The following ELAVL1 variants were observed in gnomAD, a reference collection of about 807,000 sequenced individuals.
The protein encoded by ELAVL1 is ELAV-like protein 1.
Under a neutral mutation model 28.4 loss-of-function variants are expected in ELAVL1, and 1 was observed. The observed-to-expected ratio is 0.04, with a 90% CI of 0.01 to 0.17. ELAVL1 has a LOEUF of 0.17. Ranked by LOEUF, ELAVL1 falls within the 10% of genes least tolerant of loss-of-function variation. The pLI is 1.00. For synonymous variants in ELAVL1, 174 were observed against 183.5 expected (o/e 0.95, Z 0.42); for missense variants, 157 against 447.2 (o/e 0.35, Z 5.85).
intron 3 of ELAVL1, among the ~76,000 whole-genome samples, chr19:7,980,175 A>G (rs925255848): frequency 2.6e-5 from 4 of 152,094 alleles, no homozygotes; most frequent in Non-Finnish European, 5.9e-5. Context: ...GGAAGCCCTT[A>G]CGTCTGTGGG....
rs1984866878 is a variant in ELAVL1 at position 7,963,458 on chromosome 19, C to G, written c.*25G>C. ...ACTCCTTCACTCTTAATTATCTATT[C>G]CGTACAAAAAAAAGCATGAGCGAGT... On this transcript the variant is annotated 3_prime_UTR_variant, in exon 6 of 6. Transcript: ENST00000407627. The surrounding 1 kb of genome is among the most constrained non-coding windows in gnomAD (Gnocchi z 4.5). 3 of 1,591,320 alleles carry G rather than the reference C, an allele frequency of 1.9e-6. No homozygotes were observed. The highest frequency in any genetic ancestry group is 1.7e-5 in the Admixed American group (1 of 57,860).
intron 1 of ELAVL1, among the ~76,000 whole-genome samples, chr19:7,997,381 G>T (rs1430439836): frequency 6.6e-6 from 1 of 152,188 alleles, no homozygotes; most frequent in Non-Finnish European, 1.5e-5. Context: ...ACCAATTCAT[G>T]CTACTTGTGT....
chr19:7,987,372 T>C (rs1256717036), intron 2 of ELAVL1, among the ~76,000 whole-genome samples: 1 of 152,068 alleles, frequency 6.6e-6, no homozygotes, highest in Non-Finnish European at 1.5e-5. Flanking sequence ...GGGGCCACTG[T>C]GGAGAGACCA....
Position 7,963,920 on chromosome 19 carries a change from GC to G in ELAVL1, c.657-114del. 8.4e-7 allele frequency: 1 copy of G among 1,194,236 alleles called. No individual in the cohort carries two copies. The highest frequency in any genetic ancestry group is 1.2e-6 in the Non-Finnish European group (1 of 869,322). The allele number at this position is 1,194,236 out of a possible 1,614,324, so 74.0% of individuals were successfully genotyped here. A position where few individuals can be genotyped will look rare whatever the true frequency, so the allele number is the denominator to read the frequency against. On this transcript the variant is annotated intron_variant, in intron 5 of 5. Coordinates refer to ENST00000407627, the MANE Select transcript of ELAVL1 (RefSeq NM_001419.3). This position sits in a 1 kb window ranked among gnomAD's most constrained non-coding sequence, Gnocchi z 4.5. Reference sequence around the variant, plus strand: ...GCTGGGCCCCATCCCGCTCTGCGCAGCCACGAGGTGCTCACGGTTGAGACAC... The same window carrying G: ...GCTGGGCCCCATCCCGCTCTGCGCAGCACGAGGTGCTCACGGTTGAGACAC...
At chr19:7,976,849 TTTTTTTTTTAG>T (rs1311209992) in intron 3 of ELAVL1, among the ~76,000 whole-genome samples, 1 of 151,214 alleles carries the variant, frequency 6.6e-6, no homozygotes, top group African/African-American at 2.5e-5. Context: ...CATTTTTTTT[TTTTTTTTTTAG>T]TTTTTTTTGT....
At chr19:7,968,932 T>A (rs761419800) in intron 4 of ELAVL1, among the ~76,000 whole-genome samples, 1 of 151,976 alleles carries the variant, frequency 6.6e-6, no homozygotes, top group African/African-American at 2.4e-5. Flanking sequence ...AAGGACATGA[T>A]GGAGTCAGGG....
chr19:7,998,400 G>A (rs1199818000), intron 1 of ELAVL1, among the ~76,000 whole-genome samples: 2 of 152,210 alleles, frequency 1.3e-5, no homozygotes, highest in South Asian at 2.1e-4. Flanking sequence ...GCGGTCACAC[G>A]ATGATGCTCA....
intron 1 of ELAVL1, chr19:8,002,119 C>A: frequency 1.6e-6 from 2 of 1,289,434 alleles, no homozygotes; most frequent in Non-Finnish European, 2.0e-6. Context: ...CTACCCATCT[C>A]AGCCTTCTTG....
chr19:7,980,660 C>T (rs1280802921), intron 3 of ELAVL1, among the ~76,000 whole-genome samples: 1 of 152,172 alleles, frequency 6.6e-6, no homozygotes, highest in African/African-American at 2.4e-5. Flanking sequence ...ACTGTCTGCA[C>T]CCCCGACCCA....
Position 7,981,183 on chromosome 19 carries a change from T to G in ELAVL1, c.176A>C (p.His59Pro). ...GTTCACAAAGCCATAGCCCAAGCTG[T>G]GTCCTGTGCAAGAGAACATGAAGAC... Reference protein sequence around the residue: ...AKLIRDKVAGHSLGYGFVNYV... With the variant: ...AKLIRDKVAGPSLGYGFVNYV... Residue 59 changes from histidine to proline, a missense_variant, in exon 3 of 6, where the codon CAC (histidine) becomes CCC (proline). By Grantham distance (77) the His-to-Pro change is moderately conservative. Around this residue, in one of 4 missense-constraint regions of ELAVL1, gnomAD observed 28 missense variants for 89.7 expected, o/e 0.31. Transcript: ENST00000407627. The surrounding 1 kb of genome is among the most constrained non-coding windows in gnomAD (Gnocchi z 4.2). 1 of 1,614,174 alleles carries G rather than the reference T, an allele frequency of 6.2e-7. No homozygotes were observed. Among genetic ancestry groups the G allele is most frequent in the Non-Finnish European group, 8.5e-7 (1 of 1,179,994 alleles).
chr19:7,997,797 A>T (rs906259361), intron 1 of ELAVL1, among the ~76,000 whole-genome samples: 2 of 151,828 alleles, frequency 1.3e-5, no homozygotes, highest in African/African-American at 2.4e-5. Flanking sequence ...AAAATTAAAA[A>T]TTACCCAGGA....
In ELAVL1 at chr19:7,981,168, C is replaced by G; in HGVS notation, c.191G>C (p.Gly64Ala). The change falls in exon 3 of 6, where the codon GGC becomes GCC. Residue 64 changes from glycine to alanine, a missense_variant. By Grantham distance (60) the Gly-to-Ala change is moderately conservative (BLOSUM62 0). Around this residue, in one of 4 missense-constraint regions of ELAVL1, gnomAD observed 28 missense variants for 89.7 expected, o/e 0.31. Transcript: ENST00000407627. This position sits in a 1 kb window ranked among gnomAD's most constrained non-coding sequence, Gnocchi z 4.2. ...DKVAGHSLGY[G>A]FVNYVTAKDA... ...CTTCGCGGTCACGTAGTTCACAAAGCCATAGCCCAAGCTGTGTCCTGTGCA... is the reference window on the plus strand; with the variant it reads ...CTTCGCGGTCACGTAGTTCACAAAGGCATAGCCCAAGCTGTGTCCTGTGCA... The G allele has an allele frequency of 3.1e-6, 5 of 1,614,178 alleles. No homozygotes were observed. The highest frequency in any genetic ancestry group is 4.2e-6 in the Non-Finnish European group (5 of 1,180,016).
At chr19:7,985,878 TGA>T (rs1362683726) in intron 2 of ELAVL1, among the ~76,000 whole-genome samples, 1 of 152,202 alleles carries the variant, frequency 6.6e-6, no homozygotes, top group African/African-American at 2.4e-5. Flanking sequence ...AGGCAGGGTC[TGA>T]GAGTCACATT....
At chr19:7,980,035 A>AC (rs373222499) in intron 3 of ELAVL1, among the ~76,000 whole-genome samples, 67 of 152,214 alleles carry the variant, frequency 4.4e-4, no homozygotes, top group African/African-American at 1.5e-3. Context: ...TCCAAGAGGG[A>AC]CCCTTCAGGG....
At chr19:7,964,200 C>T (rs536436698) in intron 5 of ELAVL1, among the ~76,000 whole-genome samples, 4 of 152,310 alleles carry the variant, frequency 2.6e-5, no homozygotes, top group Non-Finnish European at 4.4e-5. Context: ...AAACTCTCCT[C>T]GTACTGTGGG....
intron 1 of ELAVL1, among the ~76,000 whole-genome samples, chr19:8,002,383 T>C (rs901960852): frequency 1.3e-4 from 19 of 151,962 alleles, no homozygotes; most frequent in African/African-American, 4.6e-4. Context: ...TGGGCTGAGA[T>C]GACCTACACA....
Position 8,002,334 on chromosome 19 carries a change from A to G in ELAVL1, c.-17+3161T>C, listed in dbSNP as rs1026204271. ...ACCCAGGTCCCTTTTCTGGGCTTCC[A>G]CATCAGCCAGGGCATAATTCTCACA... On this transcript the variant is annotated intron_variant, in intron 1 of 5. Transcript: ENST00000407627. 5 of 365,392 alleles carry G rather than the reference A, an allele frequency of 1.4e-5. No homozygotes were observed. In the Admixed American group the frequency reaches 1.8e-4, roughly 13 times the overall value. 22.6% of individuals were successfully genotyped at this position (365,392 alleles called of 1,614,324 possible).
intron 1 of ELAVL1, among the ~76,000 whole-genome samples, chr19:8,004,535 G>A (rs765571377): frequency 2.6e-5 from 4 of 152,058 alleles, no homozygotes; most frequent in Non-Finnish European, 5.9e-5. Context: ...CCAGGAATAC[G>A]GCTCAACTTC....
chr19:7,969,885 GA>G (rs1245806093), intron 4 of ELAVL1, among the ~76,000 whole-genome samples: 2 of 151,986 alleles, frequency 1.3e-5, no homozygotes, highest in South Asian at 2.1e-4. Flanking sequence ...AGCAGAGGGG[GA>G]TATCAATTCA....
Sources: gnomAD v4.1 joint callset for allele counts (sites outside exome capture counted in the v4.1 genomes callset) on GRCh38, gnomAD v4.1.1 for gene constraint, gnomAD v4.1.1 regional missense constraint, Gnocchi (gnomAD v3.1) non-coding constraint, MANE v1.5 for transcripts, NCBI Gene and HGNC (gene_info 2026-07-23, HGNC 2026-07-21) for gene names.